The following NFIC variants were observed in gnomAD, a reference collection of about 807,000 sequenced individuals.
NFIC encodes the protein nuclear factor 1 C-type.
NFIC carries 12 observed loss-of-function variants against 54.4 expected under a neutral mutation model. The ratio of observed to expected loss-of-function variants is 0.22; its 90% CI spans 0.14 to 0.36. The LOEUF is 0.36. Ranked by LOEUF, NFIC falls within the 10% of genes least tolerant of loss-of-function variation. The probability of loss-of-function intolerance (pLI) is 1.00; values close to 1 mark genes in which losing one functional copy is unlikely to be tolerated. For synonymous variants in NFIC, 322 were observed against 319.2 expected, an observed-to-expected ratio of 1.01 and a Z score of -0.09; for missense variants, 575 against 718.2, an observed-to-expected ratio of 0.80 and a Z score of 2.28.
At chr19:3,396,520 G>A (rs922082924) in intron 2 of NFIC, among the ~76,000 whole-genome samples, 1 of 151,788 alleles carries the variant, frequency 6.6e-6, no homozygotes. Flanking sequence ...CTGTTATGGG[G>A]CCTCGGGCAC....
chr19:3,378,013 G>A (rs1424520008), intron 1 of NFIC, among the ~76,000 whole-genome samples: 6 of 152,026 alleles, frequency 3.9e-5, no homozygotes, highest in Non-Finnish European at 8.8e-5. Flanking sequence ...GGGAGGCAGA[G>A]GCAGGTGGAC....
intron 1 of NFIC, among the ~76,000 whole-genome samples, chr19:3,377,257 C>G (rs974660577): frequency 7.4e-6 from 1 of 135,436 alleles, no homozygotes; most frequent in African/African-American, 2.8e-5. Flanking sequence ...TGGCGTGAAC[C>G]CGGGAGGTAG....
Position 3,463,989 on chromosome 19 carries a change from C to A in NFIC, c.*1220C>A. The A allele has an allele frequency of 1.0e-6, 1 of 985,250 alleles. No homozygotes were observed. 61.0% of individuals were successfully genotyped at this position (985,250 alleles called of 1,614,324 possible). A position where few individuals can be genotyped will look rare whatever the true frequency, so the allele number is the denominator to read the frequency against. ...CAGAGCTAGAGAGATGGGGCCCCTG[C>A]GTGGCCCGAGGGGCAGAGCTGGGCG... On this transcript the variant is annotated 3_prime_UTR_variant, in exon 11 of 11. Transcript: ENST00000443272.
At chr19:3,435,542 T>C (rs2082187687) in intron 6 of NFIC, among the ~76,000 whole-genome samples, 1 of 152,200 alleles carries the variant, frequency 6.6e-6, no homozygotes, top group Non-Finnish European at 1.5e-5. Flanking sequence ...AGGGCGCCTC[T>C]TCCTGGGATC....
intron 2 of NFIC, among the ~76,000 whole-genome samples, chr19:3,396,912 C>T (rs2081473931): frequency 6.6e-6 from 1 of 151,936 alleles, no homozygotes; most frequent in Non-Finnish European, 1.5e-5. Context: ...GCTGAGATCG[C>T]GCCATTGCAC....
intron 1 of NFIC, among the ~76,000 whole-genome samples, chr19:3,359,917 TG>T: frequency 6.8e-6 from 1 of 146,294 alleles, no homozygotes; most frequent in Non-Finnish European, 1.5e-5. Context: ...AGACCCCAAG[TG>T]GGGGGCCCCT....
At chr19:3,386,314 CTTTTTTTTTTT>C (rs35622819) in intron 2 of NFIC, among the ~76,000 whole-genome samples, 1 of 69,068 alleles carries the variant, frequency 1.4e-5, no homozygotes, top group African/African-American at 5.1e-5. Context: ...TGCTGTATGC[CTTTTTTTTTTT>C]TTTTTTTTTT....
chr19:3,449,200 G>A, intron 7 of NFIC, 61 bp downstream of exon 7: 1 of 1,564,494 alleles, frequency 6.4e-7, no homozygotes, highest in South Asian at 1.1e-5. Flanking sequence ...GCCTCTCACA[G>A]CCGGGGAAGT....
chr19:3,416,044 C>T (rs1214809884), intron 2 of NFIC, among the ~76,000 whole-genome samples: 8 of 151,646 alleles, frequency 5.3e-5, no homozygotes, highest in Non-Finnish European at 5.9e-5. Flanking sequence ...AAGCCTGTAG[C>T]CCCGGCTACT....
intron 2 of NFIC, among the ~76,000 whole-genome samples, chr19:3,424,004 TTTTA>T (rs1309557166): frequency 6.6e-6 from 1 of 152,074 alleles, no homozygotes; most frequent in Non-Finnish European, 1.5e-5. Flanking sequence ...CCTCATTTTA[TTTTA>T]TTTATTTTGT....
intron 1 of NFIC, among the ~76,000 whole-genome samples, chr19:3,377,010 G>A (rs2081119514): frequency 1.3e-5 from 2 of 151,020 alleles, no homozygotes; most frequent in South Asian, 2.1e-4. Flanking sequence ...GATTACAGGC[G>A]TGAGCCACCA....
At chr19:3,436,160 T>TGTTTG (rs58569341) in intron 6 of NFIC, among the ~76,000 whole-genome samples, 1 of 150,864 alleles carries the variant, frequency 6.6e-6, no homozygotes, top group African/African-American at 2.5e-5. Context: ...TTTGTTTGTT[T>TGTTTG]TTGAAACGGA....
chr19:3,421,754 AT>A (rs1467715920), intron 2 of NFIC, among the ~76,000 whole-genome samples: 1 of 152,144 alleles, frequency 6.6e-6, no homozygotes, highest in Non-Finnish European at 1.5e-5. Flanking sequence ...TGCTTTGATC[AT>A]TCTCACAGCA....
chr19:3,454,172 G>C, intron 9 of NFIC: 1 of 1,263,938 alleles, frequency 7.9e-7, no homozygotes, highest in Non-Finnish European at 9.9e-7. Flanking sequence ...GTCACCTGGG[G>C]GACCCCGGTG....
intron 2 of NFIC, among the ~76,000 whole-genome samples, chr19:3,382,781 C>T (rs2081234967): frequency 6.6e-6 from 1 of 150,428 alleles, no homozygotes; most frequent in Non-Finnish European, 1.5e-5. Context: ...GGGAGGCAGG[C>T]CTAGGAGAGC....
intron 1 of NFIC, among the ~76,000 whole-genome samples, chr19:3,361,321 A>G (rs561492750): frequency 6.6e-6 from 1 of 152,280 alleles, no homozygotes; most frequent in South Asian, 2.1e-4. Context: ...CACAGGGGTT[A>G]GGACGGGCCC....
chr19:3,462,367 A>G (rs1254852387), intron 10 of NFIC, among the ~76,000 whole-genome samples: 1 of 152,212 alleles, frequency 6.6e-6, no homozygotes, highest in African/African-American at 2.4e-5. Flanking sequence ...GGGCAACAAG[A>G]GCGAAACTCC....
At chr19:3,368,680 G>A (rs893232240) in intron 1 of NFIC, among the ~76,000 whole-genome samples, 5 of 152,062 alleles carry the variant, frequency 3.3e-5, no homozygotes, top group Admixed American at 6.6e-5. Context: ...CCCCTTTCCA[G>A]TTTGTCTTCA....
Position 3,453,623 on chromosome 19 carries a change from C to T in NFIC, c.1270-140C>T, listed in dbSNP as rs577052036. 4.6e-5 allele frequency: 56 copies of T among 1,209,392 alleles called. No individual in the cohort carries two copies. The South Asian group carries it at 5.5e-4, about 12-fold the overall frequency. 74.9% of individuals were successfully genotyped at this position (1,209,392 alleles called of 1,614,324 possible). ...CGGCCGTCCTCAGACCCACCAAACCCGCCATGGTCACACCCGCGCCCTGGC... is the reference window on the plus strand; with the variant it reads ...CGGCCGTCCTCAGACCCACCAAACCTGCCATGGTCACACCCGCGCCCTGGC... On this transcript the variant is annotated intron_variant, in intron 8 of 10. Transcript: ENST00000443272. This position sits in a 1 kb window ranked among gnomAD's most constrained non-coding sequence, Gnocchi z 6.7.
Sources: allele counts gnomAD v4.1 joint callset (sites outside exome capture counted in the v4.1 genomes callset), GRCh38; gene constraint gnomAD v4.1.1; non-coding constraint Gnocchi (gnomAD v3.1); transcripts MANE v1.5; gene names NCBI Gene and HGNC (gene_info 2026-07-23, HGNC 2026-07-21).